RANBP2: variants seen among roughly 807,000 people sequenced by gnomAD.
RANBP2 encodes RAN binding protein 2.
RANBP2 carries 57 observed loss-of-function variants against 303.6 expected under a neutral mutation model. The ratio of observed to expected loss-of-function variants is 0.19; its 90% CI spans 0.15 to 0.23. The LOEUF is 0.23. Among genes scored for constraint, RANBP2 ranks in the 10% least tolerant of loss-of-function variants. RANBP2 has a pLI of 1.00. For synonymous variants in RANBP2, 1,167 were observed against 1,301.5 expected, an observed-to-expected ratio of 0.90 and a Z score of 2.23; for missense variants, 3,138 against 3,780.8, an observed-to-expected ratio of 0.83 and a Z score of 4.46.
At chr2:109,178,878 A>G in the RANBP2 span, among the ~76,000 whole-genome samples, 1 of 152,200 alleles carries the variant, frequency 6.6e-6, no homozygotes, top group Non-Finnish European at 1.5e-5. Flanking sequence ...TTAAATGATG[A>G]CTTCATGGAA....
the RANBP2 span, among the ~76,000 whole-genome samples, chr2:109,289,444 A>T: frequency 0.011 from 1,617 of 152,246 alleles, 29 homozygotes; most frequent in African/African-American, 0.036. Context: ...TCTTGATGCT[A>T]CATGTCACGG....
chr2:109,684,397 C>T, the RANBP2 span, among the ~76,000 whole-genome samples: 6 of 151,766 alleles, frequency 4.0e-5, no homozygotes, highest in East Asian at 3.9e-4. Context: ...TGTGCCACCA[C>T]GGCCGGCTAA....
chr2:109,131,530 G>C, the RANBP2 span, among the ~76,000 whole-genome samples: 145 of 152,210 alleles, frequency 9.5e-4, no homozygotes, highest in African/African-American at 3.4e-3. Flanking sequence ...CTAGTAAAAC[G>C]CTGGGACATT....
chr2:108,811,245 C>CTTTTTTTTTTTTTTTTTTTTTTTT, the RANBP2 span, among the ~76,000 whole-genome samples: 56 of 109,604 alleles, frequency 5.1e-4, 2 homozygotes, highest in South Asian at 9.1e-4. Context: ...CTTTCTCTCT[C>CTTTTTTTTTTTTTTTTTTTTTTTT]TCTTTTTTTT....
At chr2:108,834,961 G>A in the RANBP2 span, among the ~76,000 whole-genome samples, 1 of 152,280 alleles carries the variant, frequency 6.6e-6, no homozygotes, top group Non-Finnish European at 1.5e-5. Context: ...TCTAATTGAA[G>A]GTCAGTTGGC....
the RANBP2 span, among the ~76,000 whole-genome samples, chr2:109,435,245 C>A: frequency 6.6e-6 from 1 of 152,198 alleles, no homozygotes; most frequent in Non-Finnish European, 1.5e-5. Flanking sequence ...TAGCTCAGCA[C>A]AAAACAGGAA....
the RANBP2 span, among the ~76,000 whole-genome samples, chr2:108,948,302 G>T: frequency 6.6e-6 from 1 of 152,184 alleles, no homozygotes; most frequent in South Asian, 2.1e-4. Flanking sequence ...AAGTCTGTAG[G>T]AAGTTCCAAA....
chr2:109,137,991 G>A, the RANBP2 span, among the ~76,000 whole-genome samples: 1 of 152,160 alleles, frequency 6.6e-6, no homozygotes, highest in Non-Finnish European at 1.5e-5. Context: ...AAATGCAATG[G>A]CAGACACATA....
At chr2:108,776,355 G>A (rs1459422978) in intron 24 of RANBP2, among the ~76,000 whole-genome samples, 1 of 152,038 alleles carries the variant, frequency 6.6e-6, no homozygotes, top group Non-Finnish European at 1.5e-5. Flanking sequence ...CTACTTAAAT[G>A]TTTCTTATTT....
chr2:109,398,730 G>T, the RANBP2 span: 1 of 1,613,160 alleles, frequency 6.2e-7, no homozygotes, highest in Non-Finnish European at 8.5e-7. Flanking sequence ...GCTCAGGGGC[G>T]GTCAGTGCCT....
At chr2:108,974,329 CAAAAAAAAAAAAA>C in the RANBP2 span, among the ~76,000 whole-genome samples, 1 of 61,526 alleles carries the variant, frequency 1.6e-5, no homozygotes, top group Non-Finnish European at 2.7e-5. Flanking sequence ...GGATCCGTCT[CAAAAAAAAAAAAA>C]AAAAAAAAAA....
the RANBP2 span, among the ~76,000 whole-genome samples, chr2:109,136,547 C>T: frequency 6.6e-6 from 1 of 152,184 alleles, no homozygotes; most frequent in African/African-American, 2.4e-5. Context: ...TTGTATTCTG[C>T]TTTCTTTAGG....
the RANBP2 span, among the ~76,000 whole-genome samples, chr2:109,234,975 C>A: frequency 6.6e-6 from 1 of 152,216 alleles, no homozygotes; most frequent in African/African-American, 2.4e-5. Context: ...GTCACCAGAT[C>A]CCAACGTTTG....
the RANBP2 span, among the ~76,000 whole-genome samples, chr2:109,523,614 T>TTC: frequency 1.3e-5 from 2 of 152,112 alleles, no homozygotes; most frequent in Non-Finnish European, 2.9e-5. Context: ...ACCTGAGAGG[T>TTC]GGAGACCTGG....
the RANBP2 span, chr2:109,585,184 A>C: frequency 6.2e-7 from 1 of 1,610,308 alleles, no homozygotes; most frequent in Non-Finnish European, 8.5e-7. Context: ...GTCAATTTCA[A>C]TTGAACATTA....
chr2:108,824,173 TTTTC>T, the RANBP2 span, among the ~76,000 whole-genome samples: 2 of 151,514 alleles, frequency 1.3e-5, no homozygotes, highest in Non-Finnish European at 2.9e-5. Context: ...AAAAAAAATT[TTTTC>T]TTCATTAACA....
chr2:108,903,810 G>A, the RANBP2 span, among the ~76,000 whole-genome samples: 2 of 152,088 alleles, frequency 1.3e-5, no homozygotes, highest in Non-Finnish European at 2.9e-5. Flanking sequence ...AAACTATGTG[G>A]ACTTAGAATG....
At chr2:109,372,539 GCAAC>G in the RANBP2 span, among the ~76,000 whole-genome samples, 1 of 152,210 alleles carries the variant, frequency 6.6e-6, no homozygotes, top group East Asian at 1.9e-4. Flanking sequence ...AATCTTCTCA[GCAAC>G]ACTGGCATAT....
In RANBP2 at chr2:108,755,197, C is replaced by A; in HGVS notation, c.2404C>A (p.Arg802=). The part of the protein sequence containing the change: ...SYKYSPKTPP[R]WAEDQNSLLK... ...TTAGTATTCTCCCAAAACACCACCT[C>A]GATGGGCAGAAGATCAGAATTCTTT... Residue 802 remains arginine (R), a synonymous_variant, in exon 17 of 29, where the codon CGA becomes AGA. Coordinates refer to ENST00000283195, the MANE Select transcript of RANBP2 (RefSeq NM_006267.5). The A allele has an allele frequency of 6.2e-7, 1 of 1,611,832 alleles. No individual in the cohort carries two copies. The highest frequency in any genetic ancestry group is 8.5e-7 in the Non-Finnish European group (1 of 1,179,838).
Sources: allele counts gnomAD v4.1 joint callset (sites outside exome capture counted in the v4.1 genomes callset), GRCh38; gene constraint gnomAD v4.1.1; transcripts MANE v1.5; gene names NCBI Gene and HGNC (gene_info 2026-07-23, HGNC 2026-07-21).